RNF32: variants seen among roughly 807,000 people sequenced by gnomAD.
The protein encoded by RNF32 is ring finger protein 32.
In RNF32, 36 loss-of-function variants were observed where a neutral mutation model predicts 41.0. That is an observed-to-expected ratio of 0.88 (90% CI 0.67 to 1.16). The LOEUF is 1.16. Ranked by LOEUF, RNF32 falls within the 50% of genes most tolerant of loss-of-function variation. The pLI is 0.00. For synonymous variants in RNF32, 154 were observed against 160.9 expected (o/e 0.96, Z 0.32); for missense variants, 413 against 436.7 (o/e 0.95, Z 0.48).
intron 7 of RNF32, among the ~76,000 whole-genome samples, chr7:156,673,053 G>A (rs530637903): frequency 4.6e-5 from 7 of 152,340 alleles, no homozygotes; most frequent in South Asian, 2.1e-4. Flanking sequence ...CTGAGGCTGC[G>A]GGGTCTGGGC....
At chr7:156,643,662 A>C in intron 1 of RNF32, 139 bp from the exon 2 acceptor site, 1 of 581,586 alleles carries the variant, frequency 1.7e-6, no homozygotes, top group Non-Finnish European at 3.1e-6. Context: ...CCAGAACCAG[A>C]ATGTGTAGCT....
At chr7:156,658,410 G>A in intron 6 of RNF32, 52 bp from the exon 7 acceptor site, 1 of 1,527,462 alleles carries the variant, frequency 6.5e-7, no homozygotes, top group Non-Finnish European at 9.1e-7. Context: ...CTGAAGTATT[G>A]GTTGACATAG....
At chr7:156,646,419 G>T in intron 3 of RNF32, 2 of 1,303,724 alleles carry the variant, frequency 1.5e-6, no homozygotes, top group Non-Finnish European at 2.0e-6. Flanking sequence ...TCTTCTCTAG[G>T]TGTGATTGTA....
intron 3 of RNF32, among the ~76,000 whole-genome samples, chr7:156,652,346 A>C (rs1378494167): frequency 6.6e-6 from 1 of 152,084 alleles, no homozygotes; most frequent in Non-Finnish European, 1.5e-5. Context: ...CTCAAACCAG[A>C]AGCTCATGTC....
In RNF32 at chr7:156,669,934, C is replaced by T. The variant is rs79394506; in HGVS notation, c.685-5762C>T. Among the ~76,000 whole-genome samples the T allele has an allele frequency of 0.018, 2,747 of 152,276 alleles. 84 individuals are homozygous for T. Among genetic ancestry groups the T allele is most frequent in the African/African-American group, 0.063 (2,631 of 41,548 alleles). On this transcript the variant is annotated intron_variant, in intron 7 of 8. Transcript: ENST00000317955. The surrounding 1 kb of genome is among the most constrained non-coding windows in gnomAD (Gnocchi z 4.2). ...GTGCCATGAAAATGAAACACAGATC[C>T]CTGTTTAAAAGAAAGAAAACATGGG...
chr7:156,653,866 A>G (rs1799164382), intron 3 of RNF32, among the ~76,000 whole-genome samples: 1 of 152,230 alleles, frequency 6.6e-6, no homozygotes, highest in African/African-American at 2.4e-5. Context: ...CTGGTGGCAG[A>G]GCAAGGTGAG....
chr7:156,655,232 C>T (rs536460055), intron 4 of RNF32, among the ~76,000 whole-genome samples: 7 of 146,512 alleles, frequency 4.8e-5, no homozygotes, highest in African/African-American at 1.5e-4. Context: ...ATAATATACA[C>T]GCGCGCGCAC....
chr7:156,659,785 G>A (rs1251830132), intron 7 of RNF32: 1 of 692,698 alleles, frequency 1.4e-6, no homozygotes, highest in Non-Finnish European at 1.8e-6. Flanking sequence ...GTGTTATCTT[G>A]TAAAGTAGCC....
upstream of RNF32, chr7:156,640,518 G>A (rs1156475920): frequency 2.8e-6 from 1 of 361,352 alleles, no homozygotes; most frequent in Non-Finnish European, 5.3e-6. Context: ...CGCTGCGCGA[G>A]CCTCGACGGG....
chr7:156,648,762 A>C (rs1241714887), intron 3 of RNF32, among the ~76,000 whole-genome samples: 1 of 152,228 alleles, frequency 6.6e-6, no homozygotes, highest in Non-Finnish European at 1.5e-5. Context: ...TGATTTAGCC[A>C]CTGAAAATAT....
chr7:156,665,155 G>A (rs916423143), intron 7 of RNF32, among the ~76,000 whole-genome samples: 1 of 152,170 alleles, frequency 6.6e-6, no homozygotes, highest in Non-Finnish European at 1.5e-5. Context: ...AGATTCATCG[G>A]TGTCTATAGG....
chr7:156,676,914 T>C lies in RNF32; in HGVS notation c.*259T>C, dbSNP rs1031397353. ...GAATAGCAAAAAATGAGAGCTTGCT[T>C]ACTTCTAAAAATTGAGGTTAAGATA... On this transcript the variant is annotated 3_prime_UTR_variant, in exon 9 of 9. Transcript: ENST00000317955. 5.4e-5 allele frequency: 23 copies of C among 429,900 alleles called. 1 individual carries two copies. The highest frequency in any genetic ancestry group is 2.1e-4 in the South Asian group (7 of 33,614). The allele number at this position is 429,900 out of a possible 1,614,324, so 26.6% of individuals were successfully genotyped here.
chr7:156,659,767 T>C (rs1800325135), intron 7 of RNF32: 2 of 663,460 alleles, frequency 3.0e-6, no homozygotes, highest in Non-Finnish European at 3.7e-6. Flanking sequence ...ACCATTACAA[T>C]GTGCCTTGTG....
At chr7:156,660,953 G>C (rs1399358943) in intron 7 of RNF32, among the ~76,000 whole-genome samples, 2 of 152,218 alleles carry the variant, frequency 1.3e-5, no homozygotes, top group Non-Finnish European at 2.9e-5. Context: ...ACAGATTGTA[G>C]GTGGATTCAG....
chr7:156,644,470 C>G (rs2131337464), intron 2 of RNF32, 29 bp from the exon 3 acceptor site: 1 of 1,565,576 alleles, frequency 6.4e-7, no homozygotes, highest in Non-Finnish European at 8.8e-7. Flanking sequence ...TAATACTCCT[C>G]TAAATATGAC....
intron 3 of RNF32, among the ~76,000 whole-genome samples, chr7:156,647,598 T>C (rs1798138597): frequency 6.6e-6 from 1 of 152,170 alleles, no homozygotes; most frequent in East Asian, 1.9e-4. Context: ...GGCACTTAGG[T>C]TGGTTCCGTA....
Position 156,676,478 on chromosome 7 carries a change from C to T in RNF32, c.912C>T (p.Gly304=), listed in dbSNP as rs138479637. ...GCCTGGCCCCTCTCTCCGCTGCTGG[C>T]GGTCAGCGCGTGGGTGCAGGCAGGC... ...SICLAPLSAA[G]GQRVGAGRRS... is the part of the protein sequence containing the mutation. The change falls in exon 9 of 9, where the codon GGC becomes GGT. Residue 304 remains glycine, a synonymous_variant. Transcript: ENST00000317955. The T allele has an allele frequency of 4.9e-4, 798 of 1,614,034 alleles. No homozygotes were observed. Among genetic ancestry groups the T allele is most frequent in the Admixed American group, 9.3e-4 (56 of 60,014 alleles).
chr7:156,668,584 T>A (rs1801752090), intron 7 of RNF32, among the ~76,000 whole-genome samples: 1 of 152,218 alleles, frequency 6.6e-6, no homozygotes, highest in Non-Finnish European at 1.5e-5. Flanking sequence ...ACTGGCTGCA[T>A]CTGCCCAGAG....
rs1798445413 is a variant in RNF32, at chr7:156,649,649, T to C, written c.274+4892T>C. Among the ~76,000 whole-genome samples, 5 of 152,354 alleles carry C rather than the reference T, an allele frequency of 3.3e-5. No homozygotes were observed. The South Asian group carries it at 1.0e-3, about 32-fold the overall frequency. ...AGGTGTACTTTTTTAAATGCTTTTT[T>C]TCCTGCAACTTTTTAGATGAGCGTG... On this transcript the variant is annotated intron_variant, in intron 3 of 8. Coordinates refer to ENST00000317955, the MANE Select transcript of RNF32 (RefSeq NM_030936.4).
Sources: gnomAD v4.1 joint callset for allele counts (sites outside exome capture counted in the v4.1 genomes callset) on GRCh38, gnomAD v4.1.1 for gene constraint, Gnocchi (gnomAD v3.1) non-coding constraint, MANE v1.5 for transcripts, NCBI Gene and HGNC (gene_info 2026-07-23, HGNC 2026-07-21) for gene names.